The following CELF2 variants were observed in gnomAD, a reference collection of about 807,000 sequenced individuals.
CELF2 encodes the protein CUGBP Elav-like family member 2.
Under a neutral mutation model 62.6 loss-of-function variants are expected in CELF2, and 8 were observed. That is an observed-to-expected ratio of 0.13 (90% CI 0.07 to 0.23). The LOEUF is 0.23. CELF2 is among the 10% of genes least tolerant of loss of function. CELF2 has a pLI of 1.00. For synonymous variants in CELF2, 258 were observed against 250.0 expected, an observed-to-expected ratio of 1.03 and a Z score of -0.30; for missense variants, 333 against 671.0, an observed-to-expected ratio of 0.50 and a Z score of 5.56.
At chr10:10,609,393 G>GTGCAAAGTACCCAGAGTTATGCT in the CELF2 span, among the ~76,000 whole-genome samples, 15,054 of 152,140 alleles carry the variant, frequency 0.099, 1,097 homozygotes, top group East Asian at 0.2. Context: ...AGAGAATTGT[G>GTGCAAAGTACCCAGAGTTATGCT]TGCAACATAG....
At chr10:11,136,727 A>G (rs2060496412) in intron 1 of CELF2, among the ~76,000 whole-genome samples, 1 of 152,242 alleles carries the variant, frequency 6.6e-6, no homozygotes, top group African/African-American at 2.4e-5. Context: ...GGCTGTCACT[A>G]GCTCTTCACC....
intron 2 of CELF2, among the ~76,000 whole-genome samples, chr10:11,202,900 CATCTCTCTCTCTCT>C (rs2059540700): frequency 1.9e-5 from 2 of 102,590 alleles, no homozygotes; most frequent in African/African-American, 8.8e-5. Context: ...CCCCCATCCT[CATCTCTCTCTCTCT>C]CTCTCTCTCT....
intron 1 of CELF2, among the ~76,000 whole-genome samples, chr10:10,890,458 G>T (rs1178662542): frequency 6.6e-6 from 1 of 152,112 alleles, no homozygotes; most frequent in African/African-American, 2.4e-5. Flanking sequence ...AAATTCAGTT[G>T]TGCATTATTA....
the CELF2 span, among the ~76,000 whole-genome samples, chr10:10,475,528 C>T: frequency 6.6e-6 from 1 of 151,472 alleles, no homozygotes; most frequent in Non-Finnish European, 1.5e-5. Context: ...TTCAGGGTAG[C>T]ATCATTATTT....
intron 2 of CELF2, among the ~76,000 whole-genome samples, chr10:11,179,622 G>A (rs2072569888): frequency 6.6e-6 from 1 of 152,208 alleles, no homozygotes. Flanking sequence ...TACGTGCCAG[G>A]CAGTGTGCCG....
chr10:10,789,903 TGAA>T, the CELF2 span, among the ~76,000 whole-genome samples: 1 of 152,110 alleles, frequency 6.6e-6, no homozygotes, highest in Admixed American at 6.5e-5. Context: ...CGGATTTTTA[TGAA>T]CTCAAACATG....
chr10:10,497,183 A>G, the CELF2 span, among the ~76,000 whole-genome samples: 2 of 147,568 alleles, frequency 1.4e-5, no homozygotes, highest in African/African-American at 5.0e-5. Context: ...ACTGAACAAG[A>G]CTCCATCTAA....
upstream of CELF2, among the ~76,000 whole-genome samples, chr10:10,793,630 C>T (rs560891112): frequency 8.5e-5 from 13 of 152,216 alleles, no homozygotes; most frequent in South Asian, 4.1e-4. Flanking sequence ...AATCTTAGGA[C>T]GAGAAGACCG....
chr10:10,992,879 AC>A (rs1286454190), intron 2 of CELF2, among the ~76,000 whole-genome samples: 1 of 152,178 alleles, frequency 6.6e-6, no homozygotes, highest in Non-Finnish European at 1.5e-5. Context: ...AAGTCTGTAG[AC>A]CAAATAGTTA....
At chr10:10,785,993 T>C in the CELF2 span, among the ~76,000 whole-genome samples, 1 of 152,198 alleles carries the variant, frequency 6.6e-6, no homozygotes, top group Non-Finnish European at 1.5e-5. Context: ...TTGTATATCA[T>C]AAATATATAT....
intron 1 of CELF2, among the ~76,000 whole-genome samples, chr10:11,061,189 A>G (rs932286084): frequency 5.9e-5 from 9 of 152,258 alleles, no homozygotes; most frequent in Admixed American, 1.3e-4. Context: ...TGCTGTTCCC[A>G]TGAACATACA....
the CELF2 span, among the ~76,000 whole-genome samples, chr10:10,610,547 G>A: frequency 6.6e-6 from 1 of 152,158 alleles, no homozygotes; most frequent in South Asian, 2.1e-4. Flanking sequence ...TTGCTAATGT[G>A]AGAGAACTTT....
At chr10:10,525,640 G>A in the CELF2 span, among the ~76,000 whole-genome samples, 91 of 152,142 alleles carry the variant, frequency 6.0e-4, no homozygotes, top group Non-Finnish European at 8.2e-4. Flanking sequence ...AAGTTCACCC[G>A]TGTTGTCACA....
At chr10:10,547,953 G>C in the CELF2 span, among the ~76,000 whole-genome samples, 2 of 152,224 alleles carry the variant, frequency 1.3e-5, no homozygotes, top group African/African-American at 4.8e-5. Context: ...CATGTGGAGA[G>C]GGATGCCATT....
chr10:11,204,676 C>T (rs1277011681), intron 2 of CELF2, among the ~76,000 whole-genome samples: 4 of 152,188 alleles, frequency 2.6e-5, no homozygotes, highest in African/African-American at 9.7e-5. Context: ...GCTTGATCCC[C>T]GTGTGACAGG....
intron 1 of CELF2, among the ~76,000 whole-genome samples, chr10:10,897,712 A>G (rs2062660649): frequency 6.6e-6 from 1 of 152,158 alleles, no homozygotes; most frequent in Non-Finnish European, 1.5e-5. Context: ...ATCTCACGGC[A>G]GGCACAGGAG....
At position 11,178,793 on chromosome 10, in the gene CELF2, C is replaced by G. The variant is rs921533163; in HGVS notation, c.271+13111C>G. ...GGCCTATCGCTCTGTGGCTTTCTCC[C>G]CCTGCATTAGCCGCAGAGCTGAGTG... On this transcript the variant is annotated intron_variant, in intron 2 of 12. Transcript: ENST00000633077. This position sits in a 1 kb window ranked among gnomAD's most constrained non-coding sequence, Gnocchi z 4.3. Among the ~76,000 whole-genome samples the G allele has an allele frequency of 6.6e-6, 1 of 152,220 alleles. No homozygotes were observed. The highest frequency in any genetic ancestry group is 2.4e-5 in the African/African-American group (1 of 41,462).
the CELF2 span, among the ~76,000 whole-genome samples, chr10:10,521,387 A>T: frequency 2.6e-5 from 4 of 152,228 alleles, no homozygotes; most frequent in Admixed American, 6.5e-5. Context: ...ATTGAGGCAC[A>T]GTCTTGGAAA....
the CELF2 span, among the ~76,000 whole-genome samples, chr10:10,636,950 G>A: frequency 2.0e-5 from 3 of 152,152 alleles, no homozygotes; most frequent in South Asian, 6.2e-4. Context: ...TAGGGATTAT[G>A]TGAATGAAAC....
Sources: gnomAD v4.1 joint callset for allele counts (sites outside exome capture counted in the v4.1 genomes callset) on GRCh38, gnomAD v4.1.1 for gene constraint, Gnocchi (gnomAD v3.1) non-coding constraint, MANE v1.5 for transcripts, NCBI Gene and HGNC (gene_info 2026-07-23, HGNC 2026-07-21) for gene names.